FAM135A: variants seen among roughly 807,000 people sequenced by gnomAD.
FAM135A encodes protein FAM135A.
In FAM135A, 79 loss-of-function variants were observed where a neutral mutation model predicts 146.8. That is an observed-to-expected ratio of 0.54 (90% CI 0.45 to 0.65). The LOEUF is 0.65. FAM135A is among the 30% of genes least tolerant of loss of function. The pLI, the probability that FAM135A is intolerant of heterozygous loss-of-function variation, is 0.00. For missense variants in FAM135A, 1,623 were observed against 1,758.2 expected, an observed-to-expected ratio of 0.92 and a Z score of 1.38; for synonymous variants, 562 against 603.6, an observed-to-expected ratio of 0.93 and a Z score of 1.01.
rs779961700 is a variant in FAM135A, at chr6:70,482,061, C to T, written c.730C>T (p.Leu244Phe). The T allele has an allele frequency of 6.8e-6, 11 of 1,613,836 alleles. No homozygotes were observed. The highest frequency in any genetic ancestry group is 9.3e-6 in the Non-Finnish European group (11 of 1,179,854). The change falls in exon 10 of 22, where the codon CTT (leucine) becomes TTT (phenylalanine). Residue 244 changes from leucine to phenylalanine, a missense_variant. Physicochemically the swap from Leu to Phe is conservative, Grantham distance 22 (BLOSUM62 0). Coordinates refer to ENST00000418814, the MANE Select transcript of FAM135A (RefSeq NM_001162529.3). ...LHHAYRFHYT[L>F]CATLLLAFKG... The stretch of plus-strand genomic sequence containing the variant: ...TCATGCGTATCGTTTTCATTATACA[C>T]TTTGTGCCACTTTGCTGCTAGCCTT...
At chr6:70,484,336 A>G (rs1784241313) in intron 10 of FAM135A, among the ~76,000 whole-genome samples, 1 of 152,222 alleles carries the variant, frequency 6.6e-6, no homozygotes, top group Admixed American at 6.5e-5. Context: ...TAGATTTAAC[A>G]TGTAATATTT....
chr6:70,425,786 T>C (rs570122586), intron 2 of FAM135A, among the ~76,000 whole-genome samples: 1 of 152,328 alleles, frequency 6.6e-6, no homozygotes, highest in East Asian at 1.9e-4. Flanking sequence ...TACTTTAAAA[T>C]GGTGAGTTCC....
At chr6:70,461,477 CATA>C (rs1779431240) in intron 5 of FAM135A, among the ~76,000 whole-genome samples, 3 of 152,068 alleles carry the variant, frequency 2.0e-5, no homozygotes. Flanking sequence ...AGAACTGAAA[CATA>C]ATTTTTCTGT....
At chr6:70,474,652 G>A (rs923801899) in intron 5 of FAM135A, among the ~76,000 whole-genome samples, 13 of 152,164 alleles carry the variant, frequency 8.5e-5, no homozygotes, top group Admixed American at 3.3e-4. Context: ...TGAAGCTTCC[G>A]TTGTTTTCTC....
At chr6:70,544,508 A>G (rs533589486) in intron 20 of FAM135A, among the ~76,000 whole-genome samples, 3 of 152,170 alleles carry the variant, frequency 2.0e-5, no homozygotes, top group African/African-American at 7.2e-5. Context: ...AGCCTGGGCA[A>G]CAAGAGCAAA....
chr6:70,453,605 C>T (rs1233320255), intron 5 of FAM135A, among the ~76,000 whole-genome samples: 17 of 151,776 alleles, frequency 1.1e-4, no homozygotes, highest in African/African-American at 2.9e-4. Context: ...TGATGTTCCC[C>T]GCCCTGTGTC....
rs536001504 is a variant in FAM135A, at chr6:70,538,208, G to T, written c.4118-83G>T. ...TTTAGGCAATGTCATCTTTTGAAGT[G>T]AAATATATATTAAAATTAATAATCT... On this transcript the variant is annotated intron_variant, in intron 19 of 21. Transcript: ENST00000418814. 18 of 838,070 alleles carry T rather than the reference G, an allele frequency of 2.1e-5. No homozygotes were observed. In the African/African-American group the frequency reaches 3.2e-4, roughly 15 times the overall value. The allele number at this position is 838,070 out of a possible 1,614,324, so 51.9% of individuals were successfully genotyped here.
rs118068678 is a variant in FAM135A at position 70,433,927 on chromosome 6, T to A, written c.77+5508T>A. Among the ~76,000 whole-genome samples, 227 of 152,240 alleles carry A rather than the reference T, an allele frequency of 1.5e-3. 3 individuals carry two copies. In the East Asian group the frequency reaches 0.025, roughly 17 times the overall value. On this transcript the variant is annotated intron_variant, in intron 4 of 21. Coordinates refer to ENST00000418814, the MANE Select transcript of FAM135A (RefSeq NM_001162529.3). ...AAACAGAAAGCTCAGATACTAACAA[T>A]CTAAAGAAAAACTAGTTTTATTTTA...
At chr6:70,504,424 G>GT (rs1426836135) in intron 12 of FAM135A, 1 of 151,874 alleles carries the variant, frequency 6.6e-6, no homozygotes, top group Non-Finnish European at 1.5e-5. Flanking sequence ...ACTTTATATT[G>GT]TTTTTTAATG....
intron 16 of FAM135A, among the ~76,000 whole-genome samples, chr6:70,531,955 T>C (rs953908555): frequency 2.8e-5 from 4 of 143,372 alleles, no homozygotes; most frequent in African/African-American, 5.2e-5. Context: ...CGATCTCGGC[T>C]CACTGCAAGC....
In FAM135A at chr6:70,526,182, T is replaced by C. The variant is rs201882246; in HGVS notation, c.3098T>C (p.Ile1033Thr). 21 of 1,613,328 alleles carry C rather than the reference T, an allele frequency of 1.3e-5. No homozygotes were observed. The highest frequency in any genetic ancestry group is 1.6e-4 in the Middle Eastern group (1 of 6,082). ...TSDPFSASTDIVKQGLVENYF... is the reference protein window; with the variant it reads ...TSDPFSASTDTVKQGLVENYF... Reference sequence around the variant, plus strand: ...GATCCTTTTTCAGCCAGTACTGATATAGTAAAGCAAGGGCTTGTGGAAAAT... The same window carrying C: ...GATCCTTTTTCAGCCAGTACTGATACAGTAAAGCAAGGGCTTGTGGAAAAT... The change falls in exon 15 of 22, where the codon ATA becomes ACA. Residue 1033 changes from isoleucine (I) to threonine (T), a missense_variant. By Grantham distance (89) the Ile-to-Thr change is moderately conservative. Transcript: ENST00000418814.
intron 4 of FAM135A, among the ~76,000 whole-genome samples, chr6:70,433,030 CCT>C (rs1772038738): frequency 6.6e-6 from 1 of 151,028 alleles, no homozygotes; most frequent in Non-Finnish European, 1.5e-5. Flanking sequence ...TTTTAAACAC[CCT>C]GTTATGCTAG....
Position 70,524,449 on chromosome 6 carries a change from A to T in FAM135A, c.1365A>T (p.Pro455=). ...EESSVAGLSS[P]ELKVRPAGAS... ...GCTCTGTAGCAGGACTTTCTAGCCC[A>T]GAGTTGAAAGTCAGACCTGCTGGTG... The change falls in exon 15 of 22, where the codon CCA becomes CCT. Residue 455 remains proline, a synonymous_variant. Coordinates refer to ENST00000418814, the MANE Select transcript of FAM135A (RefSeq NM_001162529.3). The T allele has an allele frequency of 6.5e-7, 1 of 1,549,754 alleles. No individual in the cohort carries two copies. Among genetic ancestry groups the T allele is most frequent in the Non-Finnish European group, 8.7e-7 (1 of 1,146,420 alleles).
At position 70,522,362 on chromosome 6, in the gene FAM135A, A is replaced by G. The variant is rs964467781; in HGVS notation, c.1030-151A>G. ...TTTATTTCATGCAGTACAAAAATAC[A>G]TTGGCAACACTGAAGAGGGAGAAGG... On this transcript the variant is annotated intron_variant, in intron 12 of 21. Coordinates refer to ENST00000418814, the MANE Select transcript of FAM135A (RefSeq NM_001162529.3). 18 of 650,808 alleles carry G rather than the reference A, an allele frequency of 2.8e-5. No homozygotes were observed. The Admixed American group carries it at 4.2e-4, about 15-fold the overall frequency. The allele number at this position is 650,808 out of a possible 1,614,324, so 40.3% of individuals were successfully genotyped here. A position where few individuals can be genotyped will look rare whatever the true frequency, so the allele number is the denominator to read the frequency against.
intron 20 of FAM135A, among the ~76,000 whole-genome samples, chr6:70,552,443 A>G (rs1448772253): frequency 6.7e-6 from 1 of 149,996 alleles, no homozygotes; most frequent in Non-Finnish European, 1.5e-5. Context: ...AGGAGGTAGT[A>G]AAGGGGGAAT....
At chr6:70,521,955 C>T (rs533236131) in intron 12 of FAM135A, among the ~76,000 whole-genome samples, 151 of 152,150 alleles carry the variant, frequency 9.9e-4, no homozygotes, top group Middle Eastern at 3.4e-3. Context: ...TCACTCTTGT[C>T]GCCCAGGCTG....
At chr6:70,540,386 A>G (rs12180997) in intron 20 of FAM135A, among the ~76,000 whole-genome samples, 38,452 of 139,374 alleles carry the variant, frequency 0.28, 6,422 homozygotes, top group African/African-American at 0.49. Flanking sequence ...GTGCAGTGGC[A>G]CGATCTCGGC....
At chr6:70,556,638 G>A (rs771392461) in intron 20 of FAM135A, 112 bp from the exon 21 acceptor site, 4 of 645,460 alleles carry the variant, frequency 6.2e-6, no homozygotes, top group Non-Finnish European at 9.9e-6. Flanking sequence ...GACAAAGTCA[G>A]AAACTTAGTA....
chr6:70,560,362 T>G lies in FAM135A; in HGVS notation c.*441T>G, dbSNP rs1219758153. 1 of 153,298 alleles carries G rather than the reference T, an allele frequency of 6.5e-6. No individual in the cohort carries two copies. The highest frequency in any genetic ancestry group is 1.9e-4 in the East Asian group (1 of 5,214). 9.5% of individuals were successfully genotyped at this position (153,298 alleles called of 1,614,324 possible). A position where few individuals can be genotyped will look rare whatever the true frequency, so the allele number is the denominator to read the frequency against. On this transcript the variant is annotated 3_prime_UTR_variant, in exon 22 of 22. Coordinates refer to ENST00000418814, the MANE Select transcript of FAM135A (RefSeq NM_001162529.3). Reference sequence around the variant, plus strand: ...TTTTCTTTTCACATTTTACTGTGTTTTAACTGGAAATAAAATTATGGCTGC... The same window carrying G: ...TTTTCTTTTCACATTTTACTGTGTTGTAACTGGAAATAAAATTATGGCTGC...
Sources: allele counts gnomAD v4.1 joint callset (sites outside exome capture counted in the v4.1 genomes callset), GRCh38; gene constraint gnomAD v4.1.1; transcripts MANE v1.5; gene names NCBI Gene and HGNC (gene_info 2026-07-23, HGNC 2026-07-21).